The following PRKAR2A variants were observed in gnomAD, a reference collection of about 807,000 sequenced individuals.
PRKAR2A encodes the protein protein kinase cAMP-dependent type II regulatory subunit alpha.
PRKAR2A carries 29 observed loss-of-function variants against 51.9 expected under a neutral mutation model. The ratio of observed to expected loss-of-function variants is 0.56; its 90% CI spans 0.42 to 0.76. PRKAR2A has a LOEUF of 0.76. Among genes scored for constraint, PRKAR2A ranks in the 30% least tolerant of loss-of-function variants. The probability of loss-of-function intolerance (pLI) is 0.00; values close to 1 mark genes in which losing one functional copy is unlikely to be tolerated. For missense variants in PRKAR2A, 445 were observed against 512.1 expected, an observed-to-expected ratio of 0.87 and a Z score of 1.26; for synonymous variants, 178 against 186.2, an observed-to-expected ratio of 0.96 and a Z score of 0.36.
intron 6 of PRKAR2A, among the ~76,000 whole-genome samples, chr3:48,772,237 A>C (rs896463613): frequency 1.3e-5 from 2 of 152,182 alleles, no homozygotes; most frequent in Non-Finnish European, 2.9e-5. Context: ...GTTAGCACCA[A>C]GGCTTATTAT....
intron 1 of PRKAR2A, among the ~76,000 whole-genome samples, chr3:48,812,536 G>A (rs975562948): frequency 6.7e-6 from 1 of 149,540 alleles, no homozygotes; most frequent in Non-Finnish European, 1.5e-5. Context: ...AGGCTGGAGT[G>A]CAGTGGCACA....
chr3:48,841,407 T>C (rs2083379395), intron 1 of PRKAR2A, among the ~76,000 whole-genome samples: 1 of 151,270 alleles, frequency 6.6e-6, no homozygotes, highest in Non-Finnish European at 1.5e-5. Context: ...TACCCAAGTG[T>C]GGTGGCGCAT....
At chr3:48,816,344 T>A (rs546893449) in intron 1 of PRKAR2A, among the ~76,000 whole-genome samples, 1 of 152,352 alleles carries the variant, frequency 6.6e-6, no homozygotes, top group Admixed American at 6.5e-5. Context: ...GACTCATTTC[T>A]AAATCTCTAG....
chr3:48,840,593 T>C (rs1440899343), intron 1 of PRKAR2A, among the ~76,000 whole-genome samples: 15 of 128,368 alleles, frequency 1.2e-4, no homozygotes, highest in Non-Finnish European at 2.4e-4. Flanking sequence ...TTTTTTTTTT[T>C]TGAGACGGAG....
At chr3:48,759,637 T>A (rs962300530) in intron 8 of PRKAR2A, among the ~76,000 whole-genome samples, 10 of 152,184 alleles carry the variant, frequency 6.6e-5, no homozygotes, top group African/African-American at 2.4e-4. Context: ...TCCGCCTGCC[T>A]CGGCCTCCCT....
rs899319988 is a variant in PRKAR2A, at chr3:48,750,896, T to G, written c.*689A>C. ...AATGTGCTGAGCCCAAATTTTCTGC[T>G]CTAACATGGGTCCCACGGACCTATC... is the stretch of plus-strand genomic sequence containing the variant. On this transcript the variant is annotated 3_prime_UTR_variant, in exon 11 of 11. Coordinates refer to ENST00000265563, the MANE Select transcript of PRKAR2A (RefSeq NM_004157.4). The G allele has an allele frequency of 1.9e-5, 3 of 154,972 alleles. No individual in the cohort carries two copies. Among genetic ancestry groups the G allele is most frequent in the African/African-American group, 7.2e-5 (3 of 41,474 alleles). 9.6% of individuals were successfully genotyped at this position (154,972 alleles called of 1,614,324 possible).
At chr3:48,790,806 G>A (rs1418362312) in intron 3 of PRKAR2A, among the ~76,000 whole-genome samples, 179 bp from the exon 4 acceptor site, 3 of 152,134 alleles carry the variant, frequency 2.0e-5, no homozygotes, top group Non-Finnish European at 4.4e-5. Context: ...TAATATAGGG[G>A]TGAAAAGCAC....
intron 4 of PRKAR2A, among the ~76,000 whole-genome samples, chr3:48,786,417 G>A (rs1336126589): frequency 6.7e-5 from 10 of 150,094 alleles, no homozygotes; most frequent in South Asian, 6.4e-4. Flanking sequence ...GAGCCATCGC[G>A]CCCGGCTGAT....
chr3:48,807,741 T>C, intron 1 of PRKAR2A, 57 bp from the exon 2 acceptor site: 2 of 1,486,374 alleles, frequency 1.3e-6, no homozygotes, highest in Non-Finnish European at 1.9e-6. Context: ...CGCATTTTTA[T>C]CCTCCCTTTT....
intron 1 of PRKAR2A, among the ~76,000 whole-genome samples, chr3:48,845,192 G>A (rs968047635): frequency 6.6e-6 from 1 of 152,170 alleles, no homozygotes; most frequent in African/African-American, 2.4e-5. Context: ...AAGAAAATCT[G>A]AGATCAAACA....
At position 48,790,508 on chromosome 3, in the gene PRKAR2A, T is replaced by A. The variant is rs777026773; in HGVS notation, c.435+36A>T. The A allele has an allele frequency of 2.1e-6, 3 of 1,420,646 alleles. No individual in the cohort carries two copies. In the Admixed American group the frequency reaches 7.3e-5, roughly 35 times the overall value. The allele number at this position is 1,420,646 out of a possible 1,614,324, so 88.0% of individuals were successfully genotyped here. A position where few individuals can be genotyped will look rare whatever the true frequency, so the allele number is the denominator to read the frequency against. On this transcript the variant is annotated intron_variant, in intron 4 of 10. Coordinates refer to ENST00000265563, the MANE Select transcript of PRKAR2A (RefSeq NM_004157.4). ...GACAAATAGGAGCAAAGCTAAAAGA[T>A]CATTATAATAAAAATACTTTAGAAA...
At chr3:48,810,808 A>G (rs2082758828) in intron 1 of PRKAR2A, among the ~76,000 whole-genome samples, 1 of 152,156 alleles carries the variant, frequency 6.6e-6, no homozygotes, top group Non-Finnish European at 1.5e-5. Flanking sequence ...CTAGAAAAAG[A>G]AATTAAGGGA....
At chr3:48,757,848 G>A (rs1039854455) in intron 8 of PRKAR2A, among the ~76,000 whole-genome samples, 71 of 152,078 alleles carry the variant, frequency 4.7e-4, no homozygotes, top group African/African-American at 1.6e-3. Context: ...CTGAGGTCAG[G>A]AGTTTGGTAC....
chr3:48,813,029 G>A (rs532530912), intron 1 of PRKAR2A, among the ~76,000 whole-genome samples: 3 of 152,144 alleles, frequency 2.0e-5, no homozygotes, highest in East Asian at 1.9e-4. Flanking sequence ...GAAAAGAATA[G>A]GAGGTACCTC....
chr3:48,830,275 C>T (rs550023968), intron 1 of PRKAR2A, among the ~76,000 whole-genome samples: 1 of 151,942 alleles, frequency 6.6e-6, no homozygotes, highest in South Asian at 2.1e-4. Context: ...ACCGCCTAGA[C>T]CTAAGCAGGG....
intron 2 of PRKAR2A, among the ~76,000 whole-genome samples, chr3:48,797,137 T>C (rs910735526): frequency 1.3e-5 from 2 of 152,108 alleles, no homozygotes; most frequent in South Asian, 2.1e-4. Context: ...GGCTGATACA[T>C]ACCACTCCCA....
intron 1 of PRKAR2A, among the ~76,000 whole-genome samples, chr3:48,843,370 CATTA>C (rs984169038): frequency 1.2e-4 from 18 of 152,046 alleles, no homozygotes; most frequent in African/African-American, 4.3e-4. Context: ...CTCCTGGATT[CATTA>C]ATTTTTTGAA....
chr3:48,847,569 G>A lies in PRKAR2A; in HGVS notation c.28C>T (p.Leu10Phe), dbSNP rs1204674286. Residue 10 changes from leucine to phenylalanine, a missense_variant, in exon 1 of 11, where the codon CTC becomes TTC. Leu to Phe is a conservative substitution (Grantham distance 22). Coordinates refer to ENST00000265563, the MANE Select transcript of PRKAR2A (RefSeq NM_004157.4). This position sits in a 1 kb window ranked among gnomAD's most constrained non-coding sequence, Gnocchi z 4.4. Reference protein sequence around the residue: MSHIQIPPGLTELLQGYTVE... With the variant: MSHIQIPPGFTELLQGYTVE... ...GTGTAGCCCTGCAGCAGCTCCGTGAGCCCCGGCGGGATCTGGATGTGGCTC... is the reference window on the plus strand; with the variant it reads ...GTGTAGCCCTGCAGCAGCTCCGTGAACCCCGGCGGGATCTGGATGTGGCTC... The A allele has an allele frequency of 1.4e-5, 21 of 1,547,112 alleles. No individual in the cohort carries two copies. Among genetic ancestry groups the A allele is most frequent in the African/African-American group, 2.8e-5 (2 of 71,800 alleles).
intron 5 of PRKAR2A, among the ~76,000 whole-genome samples, chr3:48,779,780 AAAATAAATAAATAAATAAAT>A (rs199753996): frequency 9.2e-4 from 125 of 136,006 alleles, no homozygotes; most frequent in South Asian, 1.7e-3. Flanking sequence ...ACTCCGTCTC[AAAATAAATAAATAAATAAAT>A]AAATAAATAA....
Sources: allele counts gnomAD v4.1 joint callset (sites outside exome capture counted in the v4.1 genomes callset), GRCh38; gene constraint gnomAD v4.1.1; non-coding constraint Gnocchi (gnomAD v3.1); transcripts MANE v1.5; gene names NCBI Gene and HGNC (gene_info 2026-07-23, HGNC 2026-07-21).